VPS53: variants seen among roughly 807,000 people sequenced by gnomAD.
The protein encoded by VPS53 is vacuolar protein sorting-associated protein 53 homolog.
Under a neutral mutation model 107.0 loss-of-function variants are expected in VPS53, and 70 were observed. That is an observed-to-expected ratio of 0.65 (90% CI 0.54 to 0.80). The LOEUF (loss-of-function observed/expected upper bound fraction) is 0.80. Among genes scored for constraint, VPS53 ranks in the 30% least tolerant of loss-of-function variants. VPS53 has a pLI of 0.00. For synonymous variants in VPS53, 409 were observed against 393.3 expected, an observed-to-expected ratio of 1.04 and a Z score of -0.47; for missense variants, 917 against 1,049.4, an observed-to-expected ratio of 0.87 and a Z score of 1.74.
rs1336312276 is a variant in VPS53 at position 515,904 on chromosome 17, CCT to C, written c.*3222_*3223del. 17 of 151,726 alleles carry C rather than the reference CCT, an allele frequency of 1.1e-4. No homozygotes were observed. The highest frequency in any genetic ancestry group is 2.9e-5 in the Non-Finnish European group (2 of 67,956). 9.4% of individuals were successfully genotyped at this position (151,726 alleles called of 1,614,324 possible). ...CCGCCTCCCGGATTCAACTGATTCC[CCT>C]GCCTCAGCCTCCCAAGTAGCTGGGA... On this transcript the variant is annotated 3_prime_UTR_variant, in exon 22 of 22. Transcript: ENST00000437048.
chr17:700,289 T>TA (rs1254584961), intron 2 of VPS53, among the ~76,000 whole-genome samples: 1 of 152,064 alleles, frequency 6.6e-6, no homozygotes, highest in African/African-American at 2.4e-5. Flanking sequence ...ACGCCTGTAA[T>TA]CCCAGCACTT....
chr17:540,006 A>G (rs1910490676), intron 17 of VPS53, among the ~76,000 whole-genome samples: 1 of 152,046 alleles, frequency 6.6e-6, no homozygotes, highest in Admixed American at 6.6e-5. Context: ...CTAAAGCCCA[A>G]CCAGGTCTAT....
rs1970113266 is a variant in VPS53, at chr17:634,617, T to C, written c.609-2989A>G. 2.8e-5 allele frequency among the ~76,000 whole-genome samples: 4 copies of C among 143,658 alleles called. No homozygotes were observed. In the South Asian group the frequency reaches 9.1e-4, roughly 33 times the overall value. 94.2% of individuals were successfully genotyped at this position (143,658 alleles called of 152,430 possible). A position where few individuals can be genotyped will look rare whatever the true frequency, so the allele number is the denominator to read the frequency against. On this transcript the variant is annotated intron_variant, in intron 7 of 21. Transcript: ENST00000437048. ...GTGTCCAAGTGTTCTCATTGTTCAA[T>C]TCCCACCTATGAGTGAGAACATGCA...
At chr17:629,582 C>T (rs1049051818) in intron 8 of VPS53, among the ~76,000 whole-genome samples, 7 of 151,618 alleles carry the variant, frequency 4.6e-5, no homozygotes, top group South Asian at 2.1e-4. Flanking sequence ...CATGGTGAAA[C>T]CCCATCTCTA....
chr17:652,585 G>A (rs781043008), intron 7 of VPS53, among the ~76,000 whole-genome samples: 1 of 152,210 alleles, frequency 6.6e-6, no homozygotes, highest in Non-Finnish European at 1.5e-5. Flanking sequence ...CAAGCTCCCA[G>A]CTGACAGCAA....
chr17:604,727 A>G (rs1278182845), intron 11 of VPS53, among the ~76,000 whole-genome samples: 1 of 152,216 alleles, frequency 6.6e-6, no homozygotes, highest in Non-Finnish European at 1.5e-5. Context: ...TACAGGCGTG[A>G]GCCACCATGC....
rs988676182 is a variant in VPS53 at position 653,235 on chromosome 17, G to A, written c.608+56C>T. On this transcript the variant is annotated intron_variant, in intron 7 of 21. Coordinates refer to ENST00000437048, the MANE Select transcript of VPS53 (RefSeq NM_001128159.3). ...TCCCTCTGGTGACAGTTTACCTTTCGGAAAGCTGCCGGATCTGCGGAATCC... is the reference window on the plus strand; with the variant it reads ...TCCCTCTGGTGACAGTTTACCTTTCAGAAAGCTGCCGGATCTGCGGAATCC... 10 of 1,595,344 alleles carry A rather than the reference G, an allele frequency of 6.3e-6. No homozygotes were observed. The African/African-American group carries it at 1.2e-4, about 19-fold the overall frequency.
chr17:675,765 C>T (rs1387877546), intron 4 of VPS53: 1 of 76,340 alleles, frequency 1.3e-5, no homozygotes, highest in African/African-American at 4.1e-5. Flanking sequence ...AGACTCCCAT[C>T]TCAAAAAAAA....
chr17:662,767 A>AAGAAAGAG (rs1567719741), intron 4 of VPS53, among the ~76,000 whole-genome samples: 2 of 140,592 alleles, frequency 1.4e-5, no homozygotes, highest in Non-Finnish European at 3.1e-5. Flanking sequence ...GAAAGAAAGA[A>AAGAAAGAG]AGAAAGAGAA....
chr17:667,075 G>A (rs543667894), intron 4 of VPS53, among the ~76,000 whole-genome samples: 2 of 152,334 alleles, frequency 1.3e-5, no homozygotes, highest in South Asian at 2.1e-4. Flanking sequence ...TGGCCTGTGG[G>A]CTGAAGCCAG....
intron 4 of VPS53, among the ~76,000 whole-genome samples, chr17:663,935 T>C (rs1461278480): frequency 6.6e-6 from 1 of 151,958 alleles, no homozygotes; most frequent in African/African-American, 2.4e-5. Flanking sequence ...AATTCCTAAG[T>C]GTGGTGAATT....
rs1247073639 is a variant in VPS53 at position 560,486 on chromosome 17, C to G, written c.1644G>C (p.Glu548Asp). ...GSEVAKFTLEELCLICNILST... is the reference protein window; with the variant it reads ...GSEVAKFTLEDLCLICNILST... The stretch of plus-strand genomic sequence containing the variant: ...TCAGGATGTTACAGATGAGGCAGAG[C>G]TCCTCCAGAGTGAACTTGGCTACTT... The change falls in exon 15 of 22, where the codon GAG (glutamate) becomes GAC (aspartate). Residue 548 changes from glutamate (E) to aspartate (D), a missense_variant. Transcript: ENST00000437048. The G allele has an allele frequency of 6.2e-7, 1 of 1,613,336 alleles. No homozygotes were observed. Among genetic ancestry groups the G allele is most frequent in the Non-Finnish European group, 8.5e-7 (1 of 1,180,010 alleles).
rs553617938 is a variant in VPS53, at chr17:602,157, G to A, written c.1117-261C>T. Among the ~76,000 whole-genome samples the A allele has an allele frequency of 5.9e-5, 9 of 152,324 alleles. No homozygotes were observed. In the East Asian group the frequency reaches 1.5e-3, roughly 26 times the overall value. On this transcript the variant is annotated intron_variant, in intron 11 of 21. Transcript: ENST00000437048. ...TCCTCAGTCCTCAAACCGGAACTCC[G>A]TTCTGCTGGGAAGCCTTTCCCATCT... is the stretch of plus-strand genomic sequence containing the variant.
chr17:534,634 C>G (rs1220520506), intron 18 of VPS53, among the ~76,000 whole-genome samples: 1 of 152,082 alleles, frequency 6.6e-6, no homozygotes. Flanking sequence ...GAACATGCTC[C>G]GGACTGGGCA....
intron 7 of VPS53, among the ~76,000 whole-genome samples, chr17:632,485 C>A (rs1308257076): frequency 6.6e-6 from 1 of 152,080 alleles, no homozygotes; most frequent in African/African-American, 2.4e-5. Flanking sequence ...TTATCAATCA[C>A]CCCAAGTTAT....
At chr17:557,176 A>C (rs1266740292) in intron 15 of VPS53, among the ~76,000 whole-genome samples, 1 of 152,078 alleles carries the variant, frequency 6.6e-6, no homozygotes, top group Non-Finnish European at 1.5e-5. Flanking sequence ...CTGAGGAAAA[A>C]ACTATTTACA....
chr17:657,367 T>C, intron 5 of VPS53: 5 of 775,396 alleles, frequency 6.4e-6, no homozygotes, highest in South Asian at 1.5e-5. Context: ...TCGATCTTAA[T>C]GAACCGCTGC....
intron 12 of VPS53, among the ~76,000 whole-genome samples, chr17:599,175 G>T (rs1330302131): frequency 2.7e-5 from 4 of 148,894 alleles, no homozygotes; most frequent in Admixed American, 6.7e-5. Flanking sequence ...CGGGAGGTGA[G>T]GGGCGCCTCT....
intron 13 of VPS53, among the ~76,000 whole-genome samples, chr17:585,399 GTAATTCC>G (rs1485145321): frequency 2.0e-5 from 3 of 152,214 alleles, no homozygotes; most frequent in Non-Finnish European, 4.4e-5. Context: ...GCTCATGCCT[GTAATTCC>G]AGCACTTTGG....
Sources: gnomAD v4.1 joint callset for allele counts (sites outside exome capture counted in the v4.1 genomes callset) on GRCh38, gnomAD v4.1.1 for gene constraint, MANE v1.5 for transcripts, NCBI Gene and HGNC (gene_info 2026-07-23, HGNC 2026-07-21) for gene names.